Variants in CNTN6 observed in about 807,000 individuals in gnomAD.
CNTN6 encodes contactin 6.
A neutral mutation model predicts 122.8 loss-of-function variants in CNTN6; 137 were observed. That is an observed-to-expected ratio of 1.12 (90% CI 0.97 to 1.29). CNTN6 has a LOEUF of 1.29. Ranked by LOEUF, CNTN6 falls within the 50% of genes most tolerant of loss-of-function variation. The probability of loss-of-function intolerance (pLI) is 0.00; values close to 1 mark genes in which losing one functional copy is unlikely to be tolerated. For missense variants in CNTN6, 1,634 were observed against 1,223.4 expected (o/e 1.34, Z -5.01); for synonymous variants, 570 against 426.0 (o/e 1.34, Z -4.16).
intron 1 of CNTN6, among the ~76,000 whole-genome samples, chr3:1,095,514 G>T (rs539566006): frequency 6.6e-6 from 1 of 152,104 alleles, no homozygotes; most frequent in Non-Finnish European, 1.5e-5. Flanking sequence ...CAGAAACATT[G>T]AGTTTAATTT....
chr3:1,172,640 G>C (rs1393725791), intron 2 of CNTN6, among the ~76,000 whole-genome samples: 63 of 151,964 alleles, frequency 4.1e-4, no homozygotes, highest in African/African-American at 1.3e-3. Context: ...GTGTGTGTGT[G>C]TGTGTGTGTG....
intron 1 of CNTN6, among the ~76,000 whole-genome samples, chr3:1,102,609 T>G (rs1160097025): frequency 1.3e-5 from 2 of 148,904 alleles, no homozygotes; most frequent in Non-Finnish European, 3.0e-5. Flanking sequence ...GCGCCTGTAG[T>G]CCCAGCTACT....
At chr3:1,123,192 G>A (rs1372392610) in intron 1 of CNTN6, among the ~76,000 whole-genome samples, 2 of 151,810 alleles carry the variant, frequency 1.3e-5, no homozygotes, top group Non-Finnish European at 2.9e-5. Context: ...AAAGCCATTG[G>A]AATTTTAACA....
intron 4 of CNTN6, among the ~76,000 whole-genome samples, chr3:1,231,431 C>G (rs1042212623): frequency 2.0e-5 from 3 of 152,174 alleles, no homozygotes; most frequent in Non-Finnish European, 4.4e-5. Flanking sequence ...ATGGCAGAAA[C>G]GCTGCAGGGA....
At position 1,373,835 on chromosome 3, in the gene CNTN6, C is replaced by T. The variant is rs557187057; in HGVS notation, c.1945+73C>T. ...CCAATAATTTTAATAAATGCAATTA[C>T]ATTTTAAATTAATAATTATATAATT... On this transcript the variant is annotated intron_variant, in intron 15 of 22. Coordinates refer to ENST00000446702, the MANE Select transcript of CNTN6 (RefSeq NM_001289080.2). 1.1e-5 allele frequency: 16 copies of T among 1,462,612 alleles called. No individual in the cohort carries two copies. In the African/African-American group the frequency reaches 1.9e-4, roughly 17 times the overall value. 90.6% of individuals were successfully genotyped at this position (1,462,612 alleles called of 1,614,324 possible).
At chr3:1,149,610 A>T (rs566402388) in intron 2 of CNTN6, among the ~76,000 whole-genome samples, 38 of 152,292 alleles carry the variant, frequency 2.5e-4, no homozygotes, top group African/African-American at 8.9e-4. Context: ...TATTTACTCA[A>T]AGTGATTACA....
chr3:1,160,707 T>A (rs1189880840), intron 2 of CNTN6, among the ~76,000 whole-genome samples: 1 of 151,624 alleles, frequency 6.6e-6, no homozygotes, highest in East Asian at 1.9e-4. Context: ...CCATTAGGCT[T>A]CCATAGAATT....
intron 1 of CNTN6, among the ~76,000 whole-genome samples, chr3:1,110,342 A>T (rs2091422940): frequency 6.6e-6 from 1 of 152,110 alleles, no homozygotes; most frequent in Non-Finnish European, 1.5e-5. Flanking sequence ...CACATAAAAC[A>T]GGTATACCAT....
intron 2 of CNTN6, among the ~76,000 whole-genome samples, chr3:1,158,953 T>TAC (rs536628538): frequency 0.056 from 5,868 of 104,248 alleles, 489 homozygotes; most frequent in Middle Eastern, 0.075. Flanking sequence ...TATATATATA[T>TAC]ACACACACAC....
chr3:1,185,251 T>C (rs2093612009), intron 2 of CNTN6, among the ~76,000 whole-genome samples: 2 of 152,198 alleles, frequency 1.3e-5, no homozygotes, highest in Admixed American at 6.6e-5. Context: ...AGGCGTTTCA[T>C]AATTTTTGAA....
intron 12 of CNTN6, among the ~76,000 whole-genome samples, chr3:1,363,191 A>G (rs1559925540): frequency 6.6e-6 from 1 of 151,984 alleles, no homozygotes; most frequent in African/African-American, 2.4e-5. Flanking sequence ...AAGCAACTTA[A>G]CTTATGCATT....
chr3:1,372,190 G>T lies in CNTN6; in HGVS notation c.1493-109G>T, dbSNP rs1340325406. 4.1e-6 allele frequency: 3 copies of T among 729,344 alleles called. No individual in the cohort carries two copies. The African/African-American group carries it at 5.5e-5, about 13-fold the overall frequency. 45.2% of individuals were successfully genotyped at this position (729,344 alleles called of 1,614,324 possible). A position where few individuals can be genotyped will look rare whatever the true frequency, so the allele number is the denominator to read the frequency against. ...CATACTGGACATTGTAGAACTCCAG[G>T]TTGCATTTATATAATTTCAAATGAA... is the stretch of plus-strand genomic sequence containing the variant. On this transcript the variant is annotated intron_variant, in intron 12 of 22. Coordinates refer to ENST00000446702, the MANE Select transcript of CNTN6 (RefSeq NM_001289080.2).
chr3:1,100,444 T>G (rs557001391), intron 1 of CNTN6, among the ~76,000 whole-genome samples: 1 of 152,280 alleles, frequency 6.6e-6, no homozygotes, highest in African/African-American at 2.4e-5. Flanking sequence ...GAATTTCTCT[T>G]TGTCATTGAT....
rs149961523 is a variant in CNTN6, at chr3:1,115,608, C to T, written c.-83+22488C>T. On this transcript the variant is annotated intron_variant, in intron 1 of 22. Coordinates refer to ENST00000446702, the MANE Select transcript of CNTN6 (RefSeq NM_001289080.2). ...ACTAAAAATCCAAAAAAAAATTAGCCGGGCATGAAGGTGCATGCCTGTAAT... is the reference window on the plus strand; with the variant it reads ...ACTAAAAATCCAAAAAAAAATTAGCTGGGCATGAAGGTGCATGCCTGTAAT... Among the ~76,000 whole-genome samples, 468 of 152,078 alleles carry T rather than the reference C, an allele frequency of 3.1e-3. 2 individuals are homozygous for T. Among genetic ancestry groups the T allele is most frequent in the African/African-American group, 0.011 (444 of 41,494 alleles).
At chr3:1,264,699 A>AT (rs2094899449) in intron 4 of CNTN6, among the ~76,000 whole-genome samples, 1 of 152,108 alleles carries the variant, frequency 6.6e-6, no homozygotes, top group Admixed American at 6.5e-5. Flanking sequence ...CATACTTGTC[A>AT]TTTTTTGTGG....
intron 16 of CNTN6, among the ~76,000 whole-genome samples, chr3:1,376,585 T>G (rs114362057): frequency 1.1e-3 from 170 of 152,146 alleles, no homozygotes; most frequent in African/African-American, 4.0e-3. Context: ...TCCTGATGAC[T>G]AATAAAAGGA....
chr3:1,111,365 T>C (rs1364127400), intron 1 of CNTN6, among the ~76,000 whole-genome samples: 2 of 152,162 alleles, frequency 1.3e-5, no homozygotes, highest in Non-Finnish European at 2.9e-5. Flanking sequence ...GCTAACGTAT[T>C]TAATTCTCAT....
At chr3:1,102,539 G>A (rs1047626619) in intron 1 of CNTN6, among the ~76,000 whole-genome samples, 5 of 151,274 alleles carry the variant, frequency 3.3e-5, no homozygotes. Context: ...GACCATCCTG[G>A]CTAACACGGT....
intron 5 of CNTN6, among the ~76,000 whole-genome samples, chr3:1,288,991 T>G (rs1411135063): frequency 6.6e-6 from 1 of 152,206 alleles, no homozygotes; most frequent in Non-Finnish European, 1.5e-5. Context: ...CCAATTATCA[T>G]TCAGCTCTAA....
Sources: allele counts gnomAD v4.1 joint callset (sites outside exome capture counted in the v4.1 genomes callset), GRCh38; gene constraint gnomAD v4.1.1; transcripts MANE v1.5; gene names NCBI Gene and HGNC (gene_info 2026-07-23, HGNC 2026-07-21).